CDH20: variants seen among roughly 807,000 people sequenced by gnomAD.
CDH20 encodes cadherin 20.
In CDH20, 29 loss-of-function variants were observed where a neutral mutation model predicts 74.2. The observed-to-expected ratio is 0.39, with a 90% CI of 0.29 to 0.53. The LOEUF (loss-of-function observed/expected upper bound fraction) is 0.53. Ranked by LOEUF, CDH20 falls within the 20% of genes least tolerant of loss-of-function variation. The pLI is 0.69. For synonymous variants in CDH20, 469 were observed against 405.4 expected (o/e 1.16, Z -1.88); for missense variants, 988 against 1,048.3 (o/e 0.94, Z 0.79).
chr18:61,395,045 G>T (rs541857817), intron 1 of CDH20, among the ~76,000 whole-genome samples: 1 of 152,106 alleles, frequency 6.6e-6, no homozygotes, highest in South Asian at 2.1e-4. Flanking sequence ...ATGCCTCAAG[G>T]CCAAGACTTT....
At chr18:61,386,466 G>A (rs1911603934) in intron 1 of CDH20, among the ~76,000 whole-genome samples, 1 of 152,152 alleles carries the variant, frequency 6.6e-6, no homozygotes, top group African/African-American at 2.4e-5. Flanking sequence ...CCAGAACTAT[G>A]AGAAATAAAT....
At chr18:61,346,948 T>C (rs1277357090) in intron 1 of CDH20, among the ~76,000 whole-genome samples, 1 of 152,092 alleles carries the variant, frequency 6.6e-6, no homozygotes, top group Non-Finnish European at 1.5e-5. Flanking sequence ...GCTGGCATGC[T>C]GTACCCACCT....
chr18:61,421,832 C>A (rs781359959), intron 1 of CDH20, among the ~76,000 whole-genome samples: 1 of 152,002 alleles, frequency 6.6e-6, no homozygotes, highest in African/African-American at 2.4e-5. Flanking sequence ...CAGAGGGGCA[C>A]ATAACATAGA....
chr18:61,433,830 G>C (rs1274369189), intron 1 of CDH20, among the ~76,000 whole-genome samples: 1 of 152,086 alleles, frequency 6.6e-6, no homozygotes, highest in Non-Finnish European at 1.5e-5. Flanking sequence ...GCTTGCATTG[G>C]CTTTCCTAAT....
chr18:61,442,904 C>T (rs539210390), intron 1 of CDH20, among the ~76,000 whole-genome samples: 37 of 39,104 alleles, frequency 9.5e-4, no homozygotes, highest in African/African-American at 2.5e-3. Flanking sequence ...TCTAATTCCC[C>T]GGGATCCTGA....
chr18:61,444,481 C>G (rs1909136156), intron 1 of CDH20, among the ~76,000 whole-genome samples: 2 of 152,140 alleles, frequency 1.3e-5, no homozygotes, highest in African/African-American at 4.8e-5. Context: ...CTTGTAAAAA[C>G]AGACTGAAGT....
At chr18:61,374,192 T>A (rs1239463545) in intron 1 of CDH20, among the ~76,000 whole-genome samples, 1 of 152,120 alleles carries the variant, frequency 6.6e-6, no homozygotes, top group East Asian at 1.9e-4. Context: ...TCATTAAACA[T>A]AACTCTTAAC....
At chr18:61,459,447 T>C (rs1490782722) in intron 1 of CDH20, among the ~76,000 whole-genome samples, 3 of 152,158 alleles carry the variant, frequency 2.0e-5, no homozygotes, top group Non-Finnish European at 2.9e-5. Flanking sequence ...ATGACATCCA[T>C]GTGTGGTAGA....
intron 6 of CDH20, among the ~76,000 whole-genome samples, chr18:61,522,181 G>T (rs987014075): frequency 3.3e-5 from 5 of 152,142 alleles, no homozygotes; most frequent in Non-Finnish European, 7.4e-5. Flanking sequence ...CATCATCTCA[G>T]CCCAAAATCT....
chr18:61,341,565 C>A (rs1909951846), intron 1 of CDH20, among the ~76,000 whole-genome samples: 2 of 152,094 alleles, frequency 1.3e-5, no homozygotes, highest in Non-Finnish European at 2.9e-5. Context: ...ATTTCTTTTT[C>A]AAATCCCTTG....
intron 1 of CDH20, among the ~76,000 whole-genome samples, chr18:61,451,900 T>A (rs7242493): frequency 2.0e-5 from 3 of 152,040 alleles, no homozygotes; most frequent in Non-Finnish European, 2.9e-5. Flanking sequence ...ACATACCACA[T>A]GCACTGAATT....
intron 1 of CDH20, among the ~76,000 whole-genome samples, chr18:61,360,882 C>T (rs954632421): frequency 6.6e-6 from 1 of 152,200 alleles, no homozygotes; most frequent in Admixed American, 6.5e-5. Context: ...TTCAATACTT[C>T]CTCTTTCTGT....
intron 9 of CDH20, among the ~76,000 whole-genome samples, chr18:61,542,329 T>C (rs1913068974): frequency 6.6e-6 from 1 of 152,168 alleles, no homozygotes; most frequent in Non-Finnish European, 1.5e-5. Context: ...CCATTCCCCC[T>C]ACTTTCAGGT....
At chr18:61,552,574 C>G (rs1913474341) in intron 11 of CDH20, among the ~76,000 whole-genome samples, 1 of 152,180 alleles carries the variant, frequency 6.6e-6, no homozygotes, top group Admixed American at 6.5e-5. Context: ...AAGGTCACCT[C>G]TGTGAAGCCC....
chr18:61,362,826 G>C (rs1258498460), intron 1 of CDH20, among the ~76,000 whole-genome samples: 2 of 152,022 alleles, frequency 1.3e-5, no homozygotes, highest in Admixed American at 6.6e-5. Flanking sequence ...CCATATGCTT[G>C]AATATACATA....
At chr18:61,465,807 A>G (rs1909941544) in intron 1 of CDH20, among the ~76,000 whole-genome samples, 1 of 152,222 alleles carries the variant, frequency 6.6e-6, no homozygotes, top group East Asian at 1.9e-4. Context: ...CCACCAAGAT[A>G]TGGAATCTGC....
At chr18:61,335,084 A>C (rs1443024445) in intron 1 of CDH20, among the ~76,000 whole-genome samples, 5 of 152,140 alleles carry the variant, frequency 3.3e-5, no homozygotes, top group Non-Finnish European at 7.3e-5. Context: ...GATGAGTTTG[A>C]ACCCACGCTT....
In CDH20 at chr18:61,502,965, C is replaced by A; in HGVS notation, c.674C>A (p.Thr225Lys). The A allele has an allele frequency of 1.2e-6, 2 of 1,610,710 alleles. No individual in the cohort carries two copies. The highest frequency in any genetic ancestry group is 1.7e-6 in the Non-Finnish European group (2 of 1,178,778). Residue 225 changes from threonine (T) to lysine (K), a missense_variant, in exon 5 of 12, where the codon ACA becomes AAA. Thr to Lys is a moderately conservative substitution (Grantham distance 78). Transcript: ENST00000262717. ...SVDSKTGVIR[T>K]ALMNMDREAK... ...TTCTATCCTCCAGGTGTAATTAGGA[C>A]AGCGCTCATGAACATGGACAGAGAA...
intron 2 of CDH20, among the ~76,000 whole-genome samples, chr18:61,498,347 C>A (rs963527953): frequency 1.3e-5 from 2 of 150,722 alleles, no homozygotes; most frequent in African/African-American, 2.4e-5. Flanking sequence ...TTGCAGTGAG[C>A]TAAAATCATG....
Sources: gnomAD v4.1 joint callset for allele counts (sites outside exome capture counted in the v4.1 genomes callset) on GRCh38, gnomAD v4.1.1 for gene constraint, MANE v1.5 for transcripts, NCBI Gene and HGNC (gene_info 2026-07-23, HGNC 2026-07-21) for gene names.